UTP25: variants seen among roughly 807,000 people sequenced by gnomAD.
UTP25 encodes UTP25 small subunit processome component, also known as U3 small nucleolar RNA-associated protein 25 homolog.
A neutral mutation model predicts 78.9 loss-of-function variants in UTP25; 50 were observed. The ratio of observed to expected loss-of-function variants is 0.63; its 90% CI spans 0.50 to 0.80. The LOEUF is 0.80. Ranked by LOEUF, UTP25 falls within the 30% of genes least tolerant of loss-of-function variation. The pLI, the probability that UTP25 is intolerant of heterozygous loss-of-function variation, is 0.00. For synonymous variants in UTP25, 329 were observed against 336.5 expected, an observed-to-expected ratio of 0.98 and a Z score of 0.24; for missense variants, 846 against 911.3, an observed-to-expected ratio of 0.93 and a Z score of 0.92.
rs1408951206 is a variant in UTP25, at chr1:209,852,784, G to C, written c.*1337G>C. 1 of 152,144 alleles carries C rather than the reference G, an allele frequency of 6.6e-6. No individual in the cohort carries two copies. The highest frequency in any genetic ancestry group is 2.4e-5 in the African/African-American group (1 of 41,416). The allele number at this position is 152,144 out of a possible 1,614,324, so 9.4% of individuals were successfully genotyped here. A position where few individuals can be genotyped will look rare whatever the true frequency, so the allele number is the denominator to read the frequency against. ...GTCAGAACTTGGGAATTGTGTACATGTATGCACACACATATGTACACACGT... is the reference window on the plus strand; with the variant it reads ...GTCAGAACTTGGGAATTGTGTACATCTATGCACACACATATGTACACACGT... On this transcript the variant is annotated 3_prime_UTR_variant, in exon 12 of 12. Transcript: ENST00000491415.
chr1:209,830,664 C>T, intron 2 of UTP25, 139 bp from the exon 3 acceptor site: 1 of 1,383,326 alleles, frequency 7.2e-7, no homozygotes, highest in Non-Finnish European at 9.6e-7. Flanking sequence ...TGAAGAGCTT[C>T]TAGAATCATA....
At chr1:209,833,142 T>C (rs1486868435) in intron 3 of UTP25, 43 bp from the exon 4 acceptor site, 6 of 1,563,636 alleles carry the variant, frequency 3.8e-6, no homozygotes, top group Non-Finnish European at 4.3e-6. Context: ...AGAAGTATAA[T>C]TTGTGAGTAA....
In UTP25 at chr1:209,855,842, G is replaced by A. The variant is rs946159655; in HGVS notation, c.*4395G>A. ...TTCCTGCCCATCTGTTCTCCCAGCT[G>A]AGCCAAGGCCAAAGCTGTCTACCTT... On this transcript the variant is annotated 3_prime_UTR_variant, in exon 12 of 12. Coordinates refer to ENST00000491415, the MANE Select transcript of UTP25 (RefSeq NM_014388.7). 49 of 152,452 alleles carry A rather than the reference G, an allele frequency of 3.2e-4. No homozygotes were observed. The highest frequency in any genetic ancestry group is 1.2e-3 in the African/African-American group (48 of 41,582). 9.4% of individuals were successfully genotyped at this position (152,452 alleles called of 1,614,324 possible). A position where few individuals can be genotyped will look rare whatever the true frequency, so the allele number is the denominator to read the frequency against.
chr1:209,833,475 G>A (rs1360918080), intron 4 of UTP25, 117 bp downstream of exon 4: 1 of 884,660 alleles, frequency 1.1e-6, no homozygotes, highest in Non-Finnish European at 1.6e-6. Flanking sequence ...TTAGTGGCTA[G>A]ATCTAGAGCT....
At chr1:209,835,040 G>T (rs759549907) in intron 4 of UTP25, 35 bp from the exon 5 acceptor site, 2 of 1,555,512 alleles carry the variant, frequency 1.3e-6, no homozygotes, top group Middle Eastern at 1.7e-4. Flanking sequence ...CTCTGTAGTT[G>T]CATAGTGTGC....
rs777173992 is a variant in UTP25 at position 209,843,677 on chromosome 1, C to T, written c.2008C>T (p.Arg670Cys). 10 of 1,613,330 alleles carry T rather than the reference C, an allele frequency of 6.2e-6. No homozygotes were observed. The highest frequency in any genetic ancestry group is 2.2e-5 in the East Asian group (1 of 44,880). Reference protein sequence around the residue: ...GEKQFLLFTERFHFYKRYTIK... With the variant: ...GEKQFLLFTECFHFYKRYTIK... ...GAAACAGTTTCTACTTTTCACAGAGCGCTTCCATTTCTACAAAAGGTAAAG... is the reference window on the plus strand; with the variant it reads ...GAAACAGTTTCTACTTTTCACAGAGTGCTTCCATTTCTACAAAAGGTAAAG... The change falls in exon 11 of 12, where the codon CGC becomes TGC. Residue 670 changes from arginine (R) to cysteine (C), a missense_variant. Coordinates refer to ENST00000491415, the MANE Select transcript of UTP25 (RefSeq NM_014388.7).
rs1016950029 is a variant in UTP25 at position 209,851,267 on chromosome 1, C to G, written c.2091C>G (p.Tyr697Ter). 1 of 1,614,054 alleles carries G rather than the reference C, an allele frequency of 6.2e-7. No individual in the cohort carries two copies. The highest frequency in any genetic ancestry group is 8.5e-7 in the Non-Finnish European group (1 of 1,180,040). The change falls in exon 12 of 12, where the codon TAC becomes TAG. Residue 697 changes from tyrosine (Y) to a stop codon, truncating the protein, a stop_gained. Coordinates refer to ENST00000491415, the MANE Select transcript of UTP25 (RefSeq NM_014388.7). LOFTEE classifies it high-confidence loss of function. Reference sequence around the variant, plus strand: ...AACTGCCGACATATCCACACTTTTACAGTGAAATCTGTAATATGCTGAGAG... The same window carrying G: ...AACTGCCGACATATCCACACTTTTAGAGTGAAATCTGTAATATGCTGAGAG... Reference protein sequence around the residue: ...FYELPTYPHFYSEICNMLRAT... With the variant: ...FYELPTYPHF
chr1:209,855,453 CT>C lies in UTP25; in HGVS notation c.*4011del. 1.3e-5 allele frequency: 2 copies of C among 152,324 alleles called. No homozygotes were observed. Among genetic ancestry groups the C allele is most frequent in the Non-Finnish European group, 1.5e-5 (1 of 68,070 alleles). The allele number at this position is 152,324 out of a possible 1,614,324, so 9.4% of individuals were successfully genotyped here. A position where few individuals can be genotyped will look rare whatever the true frequency, so the allele number is the denominator to read the frequency against. On this transcript the variant is annotated 3_prime_UTR_variant, in exon 12 of 12. Coordinates refer to ENST00000491415, the MANE Select transcript of UTP25 (RefSeq NM_014388.7). ...GATGAGAAAGAACAGAGCTCCAGGC[CT>C]TTTTCAAACAAACTGGTTTTCTCAG...
chr1:209,851,070 T>C (rs1248385381), intron 11 of UTP25, 134 bp from the exon 12 acceptor site: 1 of 947,722 alleles, frequency 1.1e-6, no homozygotes, highest in Non-Finnish European at 1.5e-6. Context: ...ACTTTTGTTC[T>C]GTTACTTGTG....
rs752164512 is a variant in UTP25 at position 209,830,074 on chromosome 1, T to C, written c.108-34T>C. The C allele has an allele frequency of 3.8e-6, 6 of 1,588,616 alleles. No homozygotes were observed. The East Asian group carries it at 9.0e-5, about 24-fold the overall frequency. Reference sequence around the variant, plus strand: ...CCTTTTCCTAATTTCTACATACTAGTAGTTAGAATGTAACATTGCCTGTTT... The same window carrying C: ...CCTTTTCCTAATTTCTACATACTAGCAGTTAGAATGTAACATTGCCTGTTT... On this transcript the variant is annotated intron_variant, in intron 1 of 11. Transcript: ENST00000491415.
chr1:209,840,009 T>C (rs2078157276), intron 7 of UTP25, among the ~76,000 whole-genome samples: 1 of 152,174 alleles, frequency 6.6e-6, no homozygotes. Context: ...GAGGAAAACA[T>C]TTCAGACAGG....
At position 209,836,455 on chromosome 1, in the gene UTP25, C is replaced by A. The variant is rs1401665796; in HGVS notation, c.652-346C>A. On this transcript the variant is annotated intron_variant, in intron 5 of 11. Coordinates refer to ENST00000491415, the MANE Select transcript of UTP25 (RefSeq NM_014388.7). ...TTATCAAGGGTATTTGACCATGGAA[C>A]CCCTTTGTTTCTAGAATGAATGTTG... is the stretch of plus-strand genomic sequence containing the variant. Among the ~76,000 whole-genome samples, 4 of 152,310 alleles carry A rather than the reference C, an allele frequency of 2.6e-5. No individual in the cohort carries two copies. The South Asian group carries it at 6.2e-4, about 24-fold the overall frequency.
intron 2 of UTP25, among the ~76,000 whole-genome samples, 155 bp downstream of exon 2, chr1:209,830,302 A>G (rs2078095374): frequency 6.6e-6 from 1 of 152,216 alleles, no homozygotes; most frequent in Non-Finnish European, 1.5e-5. Context: ...GCAGATGTCT[A>G]TAAAAATGCC....
intron 6 of UTP25, among the ~76,000 whole-genome samples, chr1:209,837,766 G>A (rs553257344): frequency 1.9e-4 from 29 of 152,172 alleles, no homozygotes; most frequent in Non-Finnish European, 4.4e-5. Context: ...GTATTCATAA[G>A]TCTAAGCTCT....
At chr1:209,849,477 C>G (rs1341682619) in intron 11 of UTP25, among the ~76,000 whole-genome samples, 1 of 152,048 alleles carries the variant, frequency 6.6e-6, no homozygotes, top group African/African-American at 2.4e-5. Context: ...CACCCTCCCC[C>G]TCAAGTGGTT....
intron 4 of UTP25, among the ~76,000 whole-genome samples, chr1:209,834,031 A>G (rs1446827377): frequency 1.3e-5 from 2 of 152,152 alleles, no homozygotes; most frequent in Non-Finnish European, 2.9e-5. Context: ...AATGAAACAG[A>G]AATTTTAATC....
rs1296756531 is a variant in UTP25, at chr1:209,854,127, A to G, written c.*2680A>G. The G allele has an allele frequency of 6.6e-6, 1 of 152,186 alleles. No homozygotes were observed. Among genetic ancestry groups the G allele is most frequent in the East Asian group, 1.9e-4 (1 of 5,186 alleles). 9.4% of individuals were successfully genotyped at this position (152,186 alleles called of 1,614,324 possible). A position where few individuals can be genotyped will look rare whatever the true frequency, so the allele number is the denominator to read the frequency against. On this transcript the variant is annotated 3_prime_UTR_variant, in exon 12 of 12. Transcript: ENST00000491415. Reference sequence around the variant, plus strand: ...ATACGGATGCGTGAGCTGGAATTACACACTACCTTGATGTTAACAAGGCTC... The same window carrying G: ...ATACGGATGCGTGAGCTGGAATTACGCACTACCTTGATGTTAACAAGGCTC...
intron 3 of UTP25, 117 bp downstream of exon 3, chr1:209,831,160 G>T: frequency 9.5e-7 from 1 of 1,051,668 alleles, no homozygotes; most frequent in Non-Finnish European, 1.4e-6. Flanking sequence ...TCCAAAATAG[G>T]GATTTACCCT....
At chr1:209,838,714 G>C (rs2078148646) in intron 6 of UTP25, 195 bp from the exon 7 acceptor site, 2 of 640,452 alleles carry the variant, frequency 3.1e-6, no homozygotes, top group Admixed American at 5.0e-5. Flanking sequence ...GCAGGTCATG[G>C]TGCTGGGGTT....
Sources: allele counts gnomAD v4.1 joint callset (sites outside exome capture counted in the v4.1 genomes callset), GRCh38; gene constraint gnomAD v4.1.1; transcripts MANE v1.5; gene names NCBI Gene and HGNC (gene_info 2026-07-23, HGNC 2026-07-21).